Variants in SLC9A7 observed in about 807,000 individuals in gnomAD.
The protein encoded by SLC9A7 is solute carrier family 9 member A7.
Under a neutral mutation model 52.6 loss-of-function variants are expected in SLC9A7, and 19 were observed. The ratio of observed to expected loss-of-function variants is 0.36; its 90% confidence interval spans 0.25 to 0.53. SLC9A7 has a LOEUF of 0.53. Ranked by LOEUF, SLC9A7 falls within the 20% of genes least tolerant of loss-of-function variation. The pLI, the probability that SLC9A7 is intolerant of heterozygous loss-of-function variation, is 0.91. For missense variants in SLC9A7, 455 were observed against 597.9 expected (o/e 0.76, Z 2.49); for synonymous variants, 226 against 252.1 (o/e 0.90, Z 0.98).
chrX:46,738,481 A>G (rs1921051949), intron 1 of SLC9A7, among the ~76,000 whole-genome samples: 1 of 112,141 alleles, frequency 8.9e-6, no homozygotes, highest in Non-Finnish European at 1.9e-5. Flanking sequence ...ATAAAACCAA[A>G]TAGCATTGCC....
chrX:46,697,068 A>T (rs1004109528), intron 1 of SLC9A7, among the ~76,000 whole-genome samples: 6 of 111,866 alleles, frequency 5.4e-5, no homozygotes, highest in African/African-American at 1.9e-4. Context: ...GTGGGAGATC[A>T]TAAACAGGGA....
intron 1 of SLC9A7, chrX:46,725,361 T>A: frequency 1.7e-6 from 2 of 1,191,384 alleles, no homozygotes; most frequent in Non-Finnish European, 2.3e-6. Context: ...TGGTGTGCCA[T>A]AACTGCGACT....
chrX:46,752,450 AC>A (rs1556288839), intron 1 of SLC9A7, among the ~76,000 whole-genome samples: 1 of 111,204 alleles, frequency 9.0e-6, no homozygotes, highest in East Asian at 2.8e-4. Flanking sequence ...TAGAACACTC[AC>A]CCTGCCTTTT....
At chrX:46,700,908 G>C (rs1270854540) in intron 1 of SLC9A7, among the ~76,000 whole-genome samples, 1 of 111,498 alleles carries the variant, frequency 9.0e-6, no homozygotes, top group African/African-American at 3.3e-5. Flanking sequence ...ATGTTTTTAA[G>C]TTTCTTTTTC....
intron 2 of SLC9A7, among the ~76,000 whole-genome samples, chrX:46,681,188 T>A (rs1325596626): frequency 8.9e-6 from 1 of 112,590 alleles, no homozygotes; most frequent in Non-Finnish European, 1.9e-5. Flanking sequence ...TAAACAGGTT[T>A]CTAAAGATAA....
rs1455170148 is a variant in SLC9A7, at chrX:46,621,049, T to A, written c.1751A>T (p.Asp584Val). The change falls in exon 15 of 17, where the codon GAT (aspartate) becomes GTT (valine). Residue 584 changes from aspartate (D) to valine (V), a missense_variant. By Grantham distance (152) the Asp-to-Val change is radical. Coordinates refer to ENST00000616978, the MANE Select transcript of SLC9A7 (RefSeq NM_001257291.2). ...SFQVLQGDGP[D>V]SARGNRTKQE... ...TTTTGTCCGGTTTCCTCTGGCAGAA[T>A]CTGGGCCGTCCTAGGAACAAACAAG... 8.3e-7 allele frequency: 1 copy of A among 1,198,821 alleles called. No homozygotes were observed. Among genetic ancestry groups the A allele is most frequent in the Admixed American group, 2.2e-5 (1 of 45,721 alleles).
At chrX:46,636,875 G>A (rs374493936) in intron 12 of SLC9A7, among the ~76,000 whole-genome samples, 5 of 112,007 alleles carry the variant, frequency 4.5e-5, no homozygotes, top group East Asian at 2.8e-4. Context: ...ATGCAAGTGA[G>A]GACACGATGC....
At position 46,599,537 on chromosome X, in the gene SLC9A7, G is replaced by A. The variant is rs3174378; in HGVS notation, c.*7415C>T. ...AAAAAGAAAAGCTTTGAGAAAATGTGTTAAATATCAGTAAAGGGCAGGAAC... is the reference window on the plus strand; with the variant it reads ...AAAAAGAAAAGCTTTGAGAAAATGTATTAAATATCAGTAAAGGGCAGGAAC... On this transcript the variant is annotated 3_prime_UTR_variant, in exon 17 of 17. Coordinates refer to ENST00000616978, the MANE Select transcript of SLC9A7 (RefSeq NM_001257291.2). The A allele has an allele frequency of 8.9e-5, 10 of 111,979 alleles. No individual in the cohort carries two copies. In the East Asian group the frequency reaches 2.5e-3, roughly 28 times the overall value. The allele number at this position is 111,979 out of a possible 1,213,427, so 9.2% of individuals were successfully genotyped here.
chrX:46,657,423 C>G (rs1943721086), intron 7 of SLC9A7, among the ~76,000 whole-genome samples: 1 of 110,402 alleles, frequency 9.1e-6, no homozygotes, highest in African/African-American at 3.3e-5. Flanking sequence ...AAGACACAGA[C>G]TGGCAAATTG....
intron 14 of SLC9A7, 55 bp downstream of exon 14, chrX:46,631,531 C>T (rs1943221629): frequency 1.0e-6 from 1 of 991,970 alleles, no homozygotes; most frequent in Non-Finnish European, 1.4e-6. Flanking sequence ...AAGTGCCTGG[C>T]ATGTGGCGAA....
chrX:46,613,195 A>T, intron 16 of SLC9A7, 94 bp downstream of exon 16: 1 of 563,265 alleles, frequency 1.8e-6, no homozygotes. Context: ...AAATCTGTGG[A>T]TTTGGAGGCA....
intron 1 of SLC9A7, among the ~76,000 whole-genome samples, chrX:46,702,367 T>C (rs6521142): frequency 0.047 from 5,213 of 111,664 alleles, 299 homozygotes; most frequent in African/African-American, 0.16. Flanking sequence ...ATGCTGAGGT[T>C]TGGAGTATGG....
chrX:46,633,657 ATTTTT>A (rs34590426), intron 13 of SLC9A7, among the ~76,000 whole-genome samples: 14 of 85,812 alleles, frequency 1.6e-4, no homozygotes, highest in African/African-American at 4.8e-4. Context: ...CAGGCACAGG[ATTTTT>A]TTTTTTTTTT....
At chrX:46,746,047 G>A (rs772707503) in intron 1 of SLC9A7, among the ~76,000 whole-genome samples, 4 of 108,729 alleles carry the variant, frequency 3.7e-5, no homozygotes, top group South Asian at 7.8e-4. Flanking sequence ...AAAACAGGTC[G>A]GGCGCAGTGG....
intron 14 of SLC9A7, among the ~76,000 whole-genome samples, chrX:46,621,843 T>C (rs1443260888): frequency 8.9e-6 from 1 of 112,374 alleles, no homozygotes; most frequent in Non-Finnish European, 1.9e-5. Context: ...AGGGTACTAC[T>C]AGGGCTGTGC....
At chrX:46,705,945 C>G (rs1746806891) in intron 1 of SLC9A7, among the ~76,000 whole-genome samples, 1 of 110,548 alleles carries the variant, frequency 9.0e-6, no homozygotes, top group Non-Finnish European at 1.9e-5. Flanking sequence ...CCAAAATGCT[C>G]TGAAAAGTTT....
chrX:46,631,879 C>T (rs1943228745), intron 13 of SLC9A7, among the ~76,000 whole-genome samples: 1 of 111,833 alleles, frequency 8.9e-6, no homozygotes, highest in Admixed American at 9.5e-5. Context: ...TGCTCACACT[C>T]TAAGCAAGGC....
chrX:46,724,785 C>T (rs1169880228), intron 1 of SLC9A7, among the ~76,000 whole-genome samples: 1 of 111,711 alleles, frequency 9.0e-6, no homozygotes, highest in Non-Finnish European at 1.9e-5. Flanking sequence ...ATAATCTCAT[C>T]TTTGTCTTAT....
intron 5 of SLC9A7, among the ~76,000 whole-genome samples, chrX:46,665,588 TAA>T (rs1444920833): frequency 9.5e-6 from 1 of 104,880 alleles, no homozygotes; most frequent in Non-Finnish European, 1.9e-5. Flanking sequence ...AAGAAATTGT[TAA>T]GATAGTAAAT....
Sources: allele counts gnomAD v4.1 joint callset (sites outside exome capture counted in the v4.1 genomes callset), GRCh38; gene constraint gnomAD v4.1.1; transcripts MANE v1.5; gene names NCBI Gene and HGNC (gene_info 2026-07-23, HGNC 2026-07-21).